HIF1A: variants seen among roughly 807,000 people sequenced by gnomAD.
HIF1A encodes hypoxia-inducible factor 1-alpha.
HIF1A carries 24 observed loss-of-function variants against 92.7 expected under a neutral mutation model. The observed-to-expected ratio is 0.26, with a 90% CI of 0.19 to 0.36. The LOEUF (loss-of-function observed/expected upper bound fraction) is 0.36, where lower values mean the gene tolerates loss of function less well. Ranked by LOEUF, HIF1A falls within the 10% of genes least tolerant of loss-of-function variation. HIF1A has a pLI of 1.00. For synonymous variants in HIF1A, 319 were observed against 338.7 expected, an observed-to-expected ratio of 0.94 and a Z score of 0.64; for missense variants, 799 against 998.5, an observed-to-expected ratio of 0.80 and a Z score of 2.69.
intron 8 of HIF1A, 105 bp downstream of exon 8, chr14:61,734,390 T>G (rs1026597800): frequency 1.3e-6 from 1 of 760,932 alleles, no homozygotes; most frequent in Non-Finnish European, 2.0e-6. Flanking sequence ...TAACTAAATT[T>G]TAATTCTTTT....
At chr14:61,714,688 T>G (rs886370814) in intron 1 of HIF1A, among the ~76,000 whole-genome samples, 2 of 152,208 alleles carry the variant, frequency 1.3e-5, no homozygotes, top group African/African-American at 4.8e-5. Flanking sequence ...TAAGCCTTTC[T>G]TCATTAATTT....
rs763588017 is a variant in HIF1A, at chr14:61,744,740, T to C, written c.2129T>C (p.Ile710Thr). 6.3e-7 allele frequency: 1 copy of C among 1,594,594 alleles called. No individual in the cohort carries two copies. Among genetic ancestry groups the C allele is most frequent in the Non-Finnish European group, 8.6e-7 (1 of 1,164,630 alleles). The change falls in exon 13 of 15, where the codon ATA (isoleucine) becomes ACA (threonine). Residue 710 changes from isoleucine (I) to threonine (T), a missense_variant. This residue lies in a region of HIF1A where 283 missense variants were observed against 277.5 expected (regional missense o/e 1.02). Coordinates refer to ENST00000337138, the MANE Select transcript of HIF1A (RefSeq NM_001530.4). ...TVPEEELNPK[I>T]LALQNAQRKR... ...CCTGAGGAAGAACTAAATCCAAAGA[T>C]ACTAGCTTTGCAGAATGCTCAGAGA... is the stretch of plus-strand genomic sequence containing the variant.
At chr14:61,732,178 G>C (rs955031751) in intron 6 of HIF1A, among the ~76,000 whole-genome samples, 32 of 152,120 alleles carry the variant, frequency 2.1e-4, no homozygotes, top group African/African-American at 7.7e-4. Flanking sequence ...GGGTGAACAG[G>C]ATTAAAGAGT....
chr14:61,740,990 T>C lies in HIF1A; in HGVS notation c.1895T>C (p.Met632Thr), dbSNP rs201730640. 198 of 1,614,050 alleles carry C rather than the reference T, an allele frequency of 1.2e-4. No individual in the cohort carries two copies. Among genetic ancestry groups the C allele is most frequent in the Middle Eastern group, 1.6e-4 (1 of 6,084 alleles). Residue 632 changes from methionine to threonine, a missense_variant, in exon 12 of 15, where the codon ATG becomes ACG. By Grantham distance (81) the Met-to-Thr change is moderately conservative. Around this residue, in one of 2 missense-constraint regions of HIF1A, gnomAD observed 283 missense variants for 277.5 expected, o/e 1.02. Coordinates refer to ENST00000337138, the MANE Select transcript of HIF1A (RefSeq NM_001530.4). The stretch of plus-strand genomic sequence containing the variant: ...TTAAAAACAGTGACAAAAGACCGTA[T>C]GGAAGACATTAAAATATTGATTGCA... ...DELKTVTKDR[M>T]EDIKILIASP...
intron 1 of HIF1A, among the ~76,000 whole-genome samples, chr14:61,702,322 T>C (rs1051253931): frequency 6.9e-6 from 1 of 144,882 alleles, no homozygotes; most frequent in African/African-American, 2.5e-5. Flanking sequence ...ATGCCTGTAA[T>C]CCCAGCTACT....
chr14:61,703,692 G>A (rs952451454), intron 1 of HIF1A, among the ~76,000 whole-genome samples: 1 of 151,698 alleles, frequency 6.6e-6, no homozygotes, highest in African/African-American at 2.4e-5. Context: ...AGAAGAAAAC[G>A]TTTTGCCCTA....
chr14:61,736,815 C>T (rs2044643468), intron 8 of HIF1A, 74 bp from the exon 9 acceptor site: 2 of 1,011,252 alleles, frequency 2.0e-6, no homozygotes, highest in Non-Finnish European at 3.0e-6. Flanking sequence ...TTTAAGAGAC[C>T]ATTTCACAGT....
intron 4 of HIF1A, among the ~76,000 whole-genome samples, chr14:61,723,988 G>A (rs1261260257): frequency 6.6e-6 from 1 of 151,978 alleles, no homozygotes; most frequent in Non-Finnish European, 1.5e-5. Flanking sequence ...CCAGTGGTGT[G>A]TTTATACAAA....
Position 61,720,418 on chromosome 14 carries a change from T to TG in HIF1A, c.73dup (p.Ala25GlyfsTer8), listed in dbSNP as rs2044413174. ...AACGTCGAAAAGAAAAGTCTCGAGA[T>TG]GCAGCCAGATCTCGGCGAAGTAAAG... On this transcript the variant is annotated frameshift_variant, in exon 2 of 15. Coordinates refer to ENST00000337138, the MANE Select transcript of HIF1A (RefSeq NM_001530.4). LOFTEE classifies it high-confidence loss of function. The TG allele has an allele frequency of 6.2e-7, 1 of 1,612,420 alleles. No individual in the cohort carries two copies. The highest frequency in any genetic ancestry group is 8.5e-7 in the Non-Finnish European group (1 of 1,179,616).
chr14:61,741,818 G>A (rs2044715871), intron 12 of HIF1A, among the ~76,000 whole-genome samples: 1 of 152,132 alleles, frequency 6.6e-6, no homozygotes, highest in Non-Finnish European at 1.5e-5. Context: ...AATCAGACTA[G>A]TTAACTACCC....
chr14:61,704,818 G>A (rs947240658), intron 1 of HIF1A, among the ~76,000 whole-genome samples: 4 of 152,146 alleles, frequency 2.6e-5, no homozygotes, highest in Admixed American at 6.5e-5. Flanking sequence ...CTAATTTATT[G>A]AGTACAGCAT....
At position 61,695,683 on chromosome 14, in the gene HIF1A, TC is replaced by T; in HGVS notation, c.-121del. On this transcript the variant is annotated 5_prime_UTR_variant, in exon 1 of 15. Transcript: ENST00000337138. Reference sequence around the variant, plus strand: ...CTAGTCTCACGAGGGGTTTCCCGCCTCGCACCCCCACCTCTGGACTTGCCTT... The same window carrying T: ...CTAGTCTCACGAGGGGTTTCCCGCCTGCACCCCCACCTCTGGACTTGCCTT... The T allele has an allele frequency of 9.3e-7, 1 of 1,070,032 alleles. No individual in the cohort carries two copies. Among genetic ancestry groups the T allele is most frequent in the Non-Finnish European group, 1.3e-6 (1 of 746,884 alleles). The allele number at this position is 1,070,032 out of a possible 1,614,324, so 66.3% of individuals were successfully genotyped here.
chr14:61,741,031 CACAT>C lies in HIF1A; in HGVS notation c.1942_1945del (p.His648LysfsTer29). On this transcript the variant is annotated frameshift_variant, in exon 12 of 15. Transcript: ENST00000337138. LOFTEE classifies it high-confidence loss of function. Reference sequence around the variant, plus strand: ...ATTGATTGCATCTCCATCTCCTACCCACATACATAAAGAAACTACTAGTGCCACA... The same window carrying C: ...ATTGATTGCATCTCCATCTCCTACCCACATAAAGAAACTACTAGTGCCACA... 6.2e-7 allele frequency: 1 copy of C among 1,614,026 alleles called. No individual in the cohort carries two copies. The highest frequency in any genetic ancestry group is 8.5e-7 in the Non-Finnish European group (1 of 1,179,960).
chr14:61,708,332 C>T (rs1220295279), intron 1 of HIF1A, among the ~76,000 whole-genome samples: 3 of 152,154 alleles, frequency 2.0e-5, no homozygotes, highest in Non-Finnish European at 4.4e-5. Context: ...TCAATTTTGG[C>T]TTCTGTTGCC....
intron 8 of HIF1A, 40 bp downstream of exon 8, chr14:61,734,325 T>C (rs944937107): frequency 7.7e-6 from 11 of 1,422,538 alleles, no homozygotes; most frequent in Non-Finnish European, 1.1e-5. Flanking sequence ...GGGGAACAAA[T>C]AGTAATTCTT....
chr14:61,711,391 C>A (rs1204609422), intron 1 of HIF1A, among the ~76,000 whole-genome samples: 1 of 152,010 alleles, frequency 6.6e-6, no homozygotes, highest in Admixed American at 6.6e-5. Context: ...TGGTTAAGAA[C>A]ATTAACTATA....
chr14:61,736,182 G>A (rs1176546174), intron 8 of HIF1A, among the ~76,000 whole-genome samples: 1 of 151,970 alleles, frequency 6.6e-6, no homozygotes, highest in Non-Finnish European at 1.5e-5. Flanking sequence ...GTTTTGCCAT[G>A]TTGGCCAGGC....
chr14:61,728,872 C>G (rs181631219), intron 6 of HIF1A, among the ~76,000 whole-genome samples: 38 of 152,176 alleles, frequency 2.5e-4, no homozygotes, highest in African/African-American at 9.2e-4. Flanking sequence ...GAAAATGCCT[C>G]AAATGCTTCC....
rs761040405 is a variant in HIF1A, at chr14:61,721,667, CATATT to C, written c.372+15_372+19del. On this transcript the variant is annotated intron_variant, in intron 3 of 14. Transcript: ENST00000337138. Reference sequence around the variant, plus strand: ...GGGATTAACTCAGGTAAAATGCACACATATTAAGAGCTCTTCTATATGTTTTTATG... The same window carrying C: ...GGGATTAACTCAGGTAAAATGCACACAAGAGCTCTTCTATATGTTTTTATG... 6.2e-7 allele frequency: 1 copy of C among 1,610,870 alleles called. No homozygotes were observed. The highest frequency in any genetic ancestry group is 1.3e-5 in the African/African-American group (1 of 74,958).
Sources: gnomAD v4.1 joint callset for allele counts (sites outside exome capture counted in the v4.1 genomes callset) on GRCh38, gnomAD v4.1.1 for gene constraint, gnomAD v4.1.1 regional missense constraint, MANE v1.5 for transcripts, NCBI Gene and HGNC (gene_info 2026-07-23, HGNC 2026-07-21) for gene names.